The following ABTB3 variants were observed in gnomAD, a reference collection of about 807,000 sequenced individuals.
ABTB3 encodes ankyrin repeat and BTB domain containing 3.
At chr12:107,563,543 A>G in the ABTB3 span, among the ~76,000 whole-genome samples, 1 of 152,138 alleles carries the variant, frequency 6.6e-6, no homozygotes, top group Non-Finnish European at 1.5e-5. Flanking sequence ...ATGCCCCTAC[A>G]ATTCATGTGG....
chr12:107,445,579 G>C, the ABTB3 span, among the ~76,000 whole-genome samples: 1 of 152,134 alleles, frequency 6.6e-6, no homozygotes, highest in Non-Finnish European at 1.5e-5. Context: ...GAGAGCTCAG[G>C]GCATCTCAGA....
chr12:107,429,266 C>A, the ABTB3 span, among the ~76,000 whole-genome samples: 1 of 152,198 alleles, frequency 6.6e-6, no homozygotes, highest in African/African-American at 2.4e-5. Flanking sequence ...GCCAAGCTGA[C>A]CCTTGGCTAT....
At chr12:107,652,031 A>G in the ABTB3 span, among the ~76,000 whole-genome samples, 1 of 152,258 alleles carries the variant, frequency 6.6e-6, no homozygotes, top group African/African-American at 2.4e-5. Context: ...AGTGCTTCTT[A>G]GACTCTCATG....
At chr12:107,442,332 C>T in the ABTB3 span, among the ~76,000 whole-genome samples, 1 of 152,134 alleles carries the variant, frequency 6.6e-6, no homozygotes, top group African/African-American at 2.4e-5. Context: ...AAATAACTTT[C>T]CTCCTTTCAA....
At chr12:107,333,734 G>GA in the ABTB3 span, among the ~76,000 whole-genome samples, 5 of 152,084 alleles carry the variant, frequency 3.3e-5, no homozygotes, top group African/African-American at 7.2e-5. Flanking sequence ...TCAGTCCATA[G>GA]AAAAAAATCA....
the ABTB3 span, among the ~76,000 whole-genome samples, chr12:107,369,247 C>T: frequency 1.3e-5 from 2 of 152,148 alleles, no homozygotes; most frequent in African/African-American, 4.8e-5. Flanking sequence ...TTAGGTTTTT[C>T]ATCCACTTAG....
chr12:107,606,064 A>T, the ABTB3 span, among the ~76,000 whole-genome samples: 2 of 152,180 alleles, frequency 1.3e-5, no homozygotes, highest in Non-Finnish European at 2.9e-5. Context: ...TCAAGTAGGC[A>T]GCTATATGTG....
chr12:107,482,964 CTTTCTTTCTTTCTTTCT>C, the ABTB3 span, among the ~76,000 whole-genome samples: 52 of 69,180 alleles, frequency 7.5e-4, 1 homozygote, highest in African/African-American at 2.9e-3. Flanking sequence ...TTCTTTCTTT[CTTTCTTTCTTTCTTTCT>C]TTCTTTCCTT....
the ABTB3 span, among the ~76,000 whole-genome samples, chr12:107,399,137 A>T: frequency 6.6e-6 from 1 of 152,222 alleles, no homozygotes; most frequent in African/African-American, 2.4e-5. Context: ...TTTGAACACC[A>T]GAGGAAGTAG....
the ABTB3 span, among the ~76,000 whole-genome samples, chr12:107,515,330 T>C: frequency 6.6e-6 from 1 of 152,226 alleles, no homozygotes. Context: ...GTGAGTCATC[T>C]GTACTATTAA....
the ABTB3 span, among the ~76,000 whole-genome samples, chr12:107,543,370 A>G: frequency 6.6e-6 from 1 of 151,092 alleles, no homozygotes; most frequent in Middle Eastern, 3.4e-3. Context: ...GAAAAAAAAC[A>G]CGAAAAGTAC....
the ABTB3 span, among the ~76,000 whole-genome samples, chr12:107,542,398 G>A: frequency 2.0e-5 from 3 of 151,982 alleles, no homozygotes; most frequent in Admixed American, 6.6e-5. Flanking sequence ...TGAGATGATC[G>A]TAAGTAGGAC....
chr12:107,547,207 AAGAAGG>A, the ABTB3 span, among the ~76,000 whole-genome samples: 1 of 150,414 alleles, frequency 6.6e-6, no homozygotes, highest in African/African-American at 2.4e-5. Flanking sequence ...GAAGAAGGAG[AAGAAGG>A]AGAAGGGGGA....
the ABTB3 span, among the ~76,000 whole-genome samples, chr12:107,425,798 G>T: frequency 2.0e-5 from 3 of 152,188 alleles, no homozygotes; most frequent in African/African-American, 7.2e-5. Flanking sequence ...CTAGCACACG[G>T]CCAGGCACGT....
the ABTB3 span, among the ~76,000 whole-genome samples, chr12:107,432,346 A>G: frequency 6.6e-6 from 1 of 152,174 alleles, no homozygotes; most frequent in Admixed American, 6.5e-5. Flanking sequence ...ACTGTGGTAC[A>G]TTTTTACCTC....
chr12:107,379,050 T>A, the ABTB3 span, among the ~76,000 whole-genome samples: 1 of 152,212 alleles, frequency 6.6e-6, no homozygotes, highest in African/African-American at 2.4e-5. Flanking sequence ...GGACTTACCA[T>A]GTACCTGCTG....
chr12:107,387,320 A>G, the ABTB3 span, among the ~76,000 whole-genome samples: 9 of 151,638 alleles, frequency 5.9e-5, no homozygotes, highest in African/African-American at 2.2e-4. Flanking sequence ...TTCTCCCCCC[A>G]CCCTTGAGCC....
the ABTB3 span, among the ~76,000 whole-genome samples, chr12:107,360,131 G>C: frequency 6.6e-6 from 1 of 152,140 alleles, no homozygotes; most frequent in Non-Finnish European, 1.5e-5. Context: ...TAACTAAATA[G>C]TTGTTACATT....
At chr12:107,455,699 C>T in the ABTB3 span, among the ~76,000 whole-genome samples, 1 of 152,176 alleles carries the variant, frequency 6.6e-6, no homozygotes, top group South Asian at 2.1e-4. Flanking sequence ...CATGTATCTT[C>T]TAGGTCAGCT....
Sources: allele counts gnomAD v4.1 joint callset (sites outside exome capture counted in the v4.1 genomes callset), GRCh38; gene constraint gnomAD v4.1.1; transcripts MANE v1.5; gene names NCBI Gene and HGNC (gene_info 2026-07-23, HGNC 2026-07-21).